The following HMCN1 variants were observed in gnomAD, a reference collection of about 807,000 sequenced individuals.
HMCN1 encodes the protein hemicentin-1.
In HMCN1, 321 loss-of-function variants were observed where a neutral mutation model predicts 625.9. The observed-to-expected ratio is 0.51, with a 90% CI of 0.47 to 0.56. HMCN1 has a LOEUF of 0.56. Ranked by LOEUF, HMCN1 falls within the 20% of genes least tolerant of loss-of-function variation. HMCN1 has a pLI of 0.00. For missense variants in HMCN1, 6,588 were observed against 6,887.3 expected, an observed-to-expected ratio of 0.96 and a Z score of 1.54; for synonymous variants, 2,425 against 2,417.6, an observed-to-expected ratio of 1.00 and a Z score of -0.09.
chr1:186,032,397 T>C (rs1655516590), intron 36 of HMCN1, among the ~76,000 whole-genome samples: 1 of 152,134 alleles, frequency 6.6e-6, no homozygotes, highest in Non-Finnish European at 1.5e-5. Context: ...TGATATGGTT[T>C]GGCTGTGTAC....
chr1:186,002,876 C>T (rs1653290120), intron 28 of HMCN1, among the ~76,000 whole-genome samples: 1 of 152,130 alleles, frequency 6.6e-6, no homozygotes, highest in African/African-American at 2.4e-5. Context: ...ACTACCTTCT[C>T]CCCAACATTT....
chr1:185,780,965 A>T (rs1408424454), intron 1 of HMCN1, among the ~76,000 whole-genome samples: 3 of 152,180 alleles, frequency 2.0e-5, no homozygotes, highest in African/African-American at 2.4e-5. Context: ...TCAGCTGTGA[A>T]TCCACCTGGT....
chr1:186,151,263 C>G lies in HMCN1; in HGVS notation c.14672C>G (p.Ala4891Gly). ...ATTAATGATGTTGAATTTGGAATTG[C>G]TTTCCTTAATGCCACAATAACTGAT... ...GNINDVEFGI[A>G]FLNATITDSP... The change falls in exon 94 of 107, where the codon GCT (alanine) becomes GGT (glycine). Residue 4891 changes from alanine (A) to glycine (G), a missense_variant. Physicochemically the swap from Ala to Gly is moderately conservative, Grantham distance 60. This residue lies in a region of HMCN1 where 1,954 missense variants were observed against 2,013.1 expected (regional missense o/e 0.97). Coordinates refer to ENST00000271588, the MANE Select transcript of HMCN1 (RefSeq NM_031935.3). The G allele has an allele frequency of 6.2e-7, 1 of 1,613,618 alleles. No individual in the cohort carries two copies. The highest frequency in any genetic ancestry group is 8.5e-7 in the Non-Finnish European group (1 of 1,179,600).
At chr1:186,047,606 C>G (rs1388010690) in intron 41 of HMCN1, among the ~76,000 whole-genome samples, 1 of 151,896 alleles carries the variant, frequency 6.6e-6, no homozygotes, top group African/African-American at 2.4e-5. Flanking sequence ...TTAATCCCTC[C>G]TCTCTATTAT....
At chr1:186,081,875 A>G (rs1445967604) in intron 56 of HMCN1, among the ~76,000 whole-genome samples, 1 of 152,202 alleles carries the variant, frequency 6.6e-6, no homozygotes, top group Non-Finnish European at 1.5e-5. Flanking sequence ...CTGAAAGAAA[A>G]GCACTTGTAG....
At chr1:185,791,671 G>A (rs749961383) in intron 1 of HMCN1, among the ~76,000 whole-genome samples, 7 of 151,930 alleles carry the variant, frequency 4.6e-5, no homozygotes, top group Admixed American at 1.3e-4. Context: ...GCAGTGAGCC[G>A]AGATTGTGCC....
At position 186,090,878 on chromosome 1, in the gene HMCN1, A is replaced by T; in HGVS notation, c.9848A>T (p.Asp3283Val). ...ACTCCACTTATTCAATGGCTTAAAG[A>T]TGGAAAGCCCATAGCTAGTGGTGAA... ...IPTPLIQWLK[D>V]GKPIASGETE... Residue 3283 changes from aspartate to valine, a missense_variant, in exon 64 of 107, where the codon GAT becomes GTT. This residue lies in a region of HMCN1 where 4,628 missense variants were observed against 4,853.1 expected (regional missense o/e 0.95). Coordinates refer to ENST00000271588, the MANE Select transcript of HMCN1 (RefSeq NM_031935.3). 1.2e-6 allele frequency: 2 copies of T among 1,612,454 alleles called. No individual in the cohort carries two copies. Among genetic ancestry groups the T allele is most frequent in the East Asian group, 2.2e-5 (1 of 44,818 alleles).
chr1:186,159,070 A>G (rs1410359480), intron 97 of HMCN1, among the ~76,000 whole-genome samples: 2 of 152,054 alleles, frequency 1.3e-5, no homozygotes, highest in African/African-American at 4.8e-5. Context: ...TGAGCATGGA[A>G]TGTTCTTCCA....
chr1:186,115,701 G>T (rs1263700189), intron 75 of HMCN1, among the ~76,000 whole-genome samples: 1 of 151,760 alleles, frequency 6.6e-6, no homozygotes, highest in East Asian at 1.9e-4. Flanking sequence ...CTTTTATAAA[G>T]GCAAAGGATA....
intron 4 of HMCN1, among the ~76,000 whole-genome samples, chr1:185,895,993 T>C (rs1163249094): frequency 1.3e-5 from 2 of 151,852 alleles, no homozygotes; most frequent in Non-Finnish European, 2.9e-5. Flanking sequence ...TAGAGTGCAG[T>C]GGCGCAATCT....
At chr1:186,001,856 T>G in intron 28 of HMCN1, 115 bp downstream of exon 28, 1 of 853,688 alleles carries the variant, frequency 1.2e-6, no homozygotes, top group Non-Finnish European at 1.9e-6. Flanking sequence ...AAACTATAGT[T>G]TCATTCTATT....
chr1:186,098,308 G>A (rs1660231797), intron 68 of HMCN1, among the ~76,000 whole-genome samples: 1 of 151,910 alleles, frequency 6.6e-6, no homozygotes, highest in African/African-American at 2.4e-5. Flanking sequence ...TACCTCTAAG[G>A]GGTTAATATC....
At chr1:186,052,040 G>C (rs1656986516) in intron 42 of HMCN1, among the ~76,000 whole-genome samples, 1 of 151,824 alleles carries the variant, frequency 6.6e-6, no homozygotes, top group Non-Finnish European at 1.5e-5. Flanking sequence ...GTGGATGCTG[G>C]GTTCATACAG....
At chr1:186,117,257 G>A in intron 76 of HMCN1, 142 bp downstream of exon 76, 1 of 1,208,100 alleles carries the variant, frequency 8.3e-7, no homozygotes, top group Non-Finnish European at 1.2e-6. Flanking sequence ...TTCGTTATAT[G>A]GGTAAACTAG....
intron 1 of HMCN1, among the ~76,000 whole-genome samples, chr1:185,827,462 C>T (rs1660596187): frequency 6.6e-6 from 1 of 151,880 alleles, no homozygotes; most frequent in Admixed American, 6.6e-5. Context: ...AATAAAACCA[C>T]TACAGAAATC....
chr1:185,918,716 C>T (rs1666852693), intron 6 of HMCN1, among the ~76,000 whole-genome samples: 1 of 152,170 alleles, frequency 6.6e-6, no homozygotes. Context: ...CGTGATACTA[C>T]TCACTCAGAG....
intron 55 of HMCN1, among the ~76,000 whole-genome samples, chr1:186,080,192 T>A (rs1189197292): frequency 1.3e-5 from 2 of 152,226 alleles, no homozygotes; most frequent in African/African-American, 4.8e-5. Flanking sequence ...GCATTCAAAA[T>A]AACATTGAAA....
chr1:186,053,889 A>C lies in HMCN1; in HGVS notation c.6765A>C (p.Gln2255His). ...TTTTATCTGGGGGCAGGCAATTACA[A>C]ATTTCAATTGCTGAAAAGTCTGATG... Reference protein sequence around the residue: ...VRILSGGRQLQISIAEKSDAA... With the variant: ...VRILSGGRQLHISIAEKSDAA... The change falls in exon 44 of 107, where the codon CAA becomes CAC. Residue 2255 changes from glutamine to histidine, a missense_variant. Physicochemically the swap from Gln to His is conservative, Grantham distance 24. Transcript: ENST00000271588. 1 of 1,612,752 alleles carries C rather than the reference A, an allele frequency of 6.2e-7. No homozygotes were observed. The highest frequency in any genetic ancestry group is 8.5e-7 in the Non-Finnish European group (1 of 1,179,232).
chr1:185,882,654 A>G (rs1664380250), intron 4 of HMCN1, among the ~76,000 whole-genome samples: 1 of 152,142 alleles, frequency 6.6e-6, no homozygotes, highest in Admixed American at 6.5e-5. Flanking sequence ...AGAATGATAA[A>G]AATAATACTT....
Sources: allele counts gnomAD v4.1 joint callset (sites outside exome capture counted in the v4.1 genomes callset), GRCh38; gene constraint gnomAD v4.1.1; regional missense constraint gnomAD v4.1.1; transcripts MANE v1.5; gene names NCBI Gene and HGNC (gene_info 2026-07-23, HGNC 2026-07-21).